Variants in MAGI2 observed in about 807,000 individuals in gnomAD.
The protein encoded by MAGI2 is membrane associated guanylate kinase, WW and PDZ domain containing 2, also known as membrane-associated guanylate kinase, WW and PDZ domain-containing protein 2.
Under a neutral mutation model 133.3 loss-of-function variants are expected in MAGI2, and 35 were observed. The ratio of observed to expected loss-of-function variants is 0.26; its 90% CI spans 0.20 to 0.35. The LOEUF is 0.35. Among genes scored for constraint, MAGI2 ranks in the 10% least tolerant of loss-of-function variants. MAGI2 has a pLI of 1.00. For synonymous variants in MAGI2, 729 were observed against 710.6 expected (o/e 1.03, Z -0.41); for missense variants, 1,636 against 1,863.4 (o/e 0.88, Z 2.25).
intron 1 of MAGI2, among the ~76,000 whole-genome samples, chr7:79,323,775 T>C (rs918009644): frequency 6.6e-6 from 1 of 151,992 alleles, no homozygotes; most frequent in African/African-American, 2.4e-5. Context: ...AGGTGAGAAA[T>C]GATGAATGAC....
chr7:78,712,647 AT>A (rs1563393499), intron 2 of MAGI2, among the ~76,000 whole-genome samples: 1 of 152,158 alleles, frequency 6.6e-6, no homozygotes, highest in Non-Finnish European at 1.5e-5. Context: ...CAGTAGGTGC[AT>A]TTTAGTTGGT....
rs1261662229 is a variant in MAGI2 at position 78,860,945 on chromosome 7, G to A, written c.418+146145C>T. Among the ~76,000 whole-genome samples, 9 of 152,126 alleles carry A rather than the reference G, an allele frequency of 5.9e-5. No homozygotes were observed. The South Asian group carries it at 6.2e-4, about 11-fold the overall frequency. On this transcript the variant is annotated intron_variant, in intron 2 of 21. Transcript: ENST00000354212. ...TACCTACTCAAGCCTCAGCAATGGCGGGCACCCCTCCCCAAGCCTCGCTGC... is the reference window on the plus strand; with the variant it reads ...TACCTACTCAAGCCTCAGCAATGGCAGGCACCCCTCCCCAAGCCTCGCTGC...
chr7:78,782,876 A>C (rs1826505958), intron 2 of MAGI2, among the ~76,000 whole-genome samples: 1 of 152,126 alleles, frequency 6.6e-6, no homozygotes, highest in African/African-American at 2.4e-5. Context: ...AACCTTGTGC[A>C]TCTCTCAGAC....
chr7:78,455,607 T>C lies in MAGI2; in HGVS notation c.1045+34154A>G, dbSNP rs369237318. Among the ~76,000 whole-genome samples, 4 of 152,176 alleles carry C rather than the reference T, an allele frequency of 2.6e-5. No homozygotes were observed. In the South Asian group the frequency reaches 8.3e-4, roughly 32 times the overall value. ...TAATATTTTAATGAAAATAAAAATA[T>C]ATTATGCAGAGCACATTACCTGGCC... is the stretch of plus-strand genomic sequence containing the variant. On this transcript the variant is annotated intron_variant, in intron 6 of 21. Coordinates refer to ENST00000354212, the MANE Select transcript of MAGI2 (RefSeq NM_012301.4).
At chr7:78,140,798 T>A (rs1354538482) in intron 16 of MAGI2, among the ~76,000 whole-genome samples, 1 of 152,220 alleles carries the variant, frequency 6.6e-6, no homozygotes, top group Admixed American at 6.5e-5. Context: ...TAACAGGCAC[T>A]ATGCTAGGCC....
chr7:79,051,129 C>T (rs1812633797), intron 1 of MAGI2, among the ~76,000 whole-genome samples: 1 of 152,192 alleles, frequency 6.6e-6, no homozygotes, highest in Non-Finnish European at 1.5e-5. Context: ...TAAGTCTACC[C>T]TCACTCTAGA....
intron 3 of MAGI2, among the ~76,000 whole-genome samples, chr7:78,529,317 T>A (rs1368252723): frequency 1.3e-5 from 2 of 152,166 alleles, no homozygotes; most frequent in Non-Finnish European, 2.9e-5. Context: ...GGTTTGTTCA[T>A]GTAAAGGAAA....
chr7:78,602,738 T>C (rs1054920349), intron 3 of MAGI2, among the ~76,000 whole-genome samples: 1 of 152,196 alleles, frequency 6.6e-6, no homozygotes, highest in African/African-American at 2.4e-5. Flanking sequence ...TATCTCCCCA[T>C]AGAATGCTTT....
intron 1 of MAGI2, among the ~76,000 whole-genome samples, chr7:79,373,370 C>A (rs1203603753): frequency 2.0e-5 from 3 of 151,856 alleles, no homozygotes; most frequent in Non-Finnish European, 4.4e-5. Context: ...AACACAATAA[C>A]CTGATTTTCT....
intron 2 of MAGI2, among the ~76,000 whole-genome samples, chr7:78,645,763 T>A (rs567701070): frequency 6.6e-6 from 1 of 150,630 alleles, no homozygotes; most frequent in African/African-American, 2.4e-5. Flanking sequence ...CCCCGAGACA[T>A]TGTCATTCTC....
intron 1 of MAGI2, among the ~76,000 whole-genome samples, chr7:79,128,740 C>T (rs970164311): frequency 6.6e-6 from 1 of 152,172 alleles, no homozygotes; most frequent in African/African-American, 2.4e-5. Context: ...AAAATTAATA[C>T]TCTGTGTTAG....
chr7:79,155,930 A>C (rs1301421579), intron 1 of MAGI2, among the ~76,000 whole-genome samples: 2 of 152,146 alleles, frequency 1.3e-5, no homozygotes, highest in Non-Finnish European at 2.9e-5. Context: ...TTTGAAAAGA[A>C]CCTTTTGGCT....
At chr7:78,591,830 G>T (rs1804033668) in intron 3 of MAGI2, among the ~76,000 whole-genome samples, 1 of 152,098 alleles carries the variant, frequency 6.6e-6, no homozygotes, top group Non-Finnish European at 1.5e-5. Flanking sequence ...ACATAAAAGG[G>T]AAAGACCAAG....
intron 15 of MAGI2, among the ~76,000 whole-genome samples, chr7:78,161,667 T>TAAAAAAAAA (rs71515391): frequency 2.3e-4 from 16 of 68,900 alleles, no homozygotes; most frequent in East Asian, 1.6e-3. Flanking sequence ...CATCGATACC[T>TAAAAAAAAA]AAAAAAAAAA....
intron 1 of MAGI2, among the ~76,000 whole-genome samples, chr7:79,399,434 G>A (rs1845313587): frequency 6.6e-6 from 1 of 152,066 alleles, no homozygotes; most frequent in South Asian, 2.1e-4. Flanking sequence ...GGAATTACCA[G>A]GACTGGGGCT....
At chr7:79,369,317 C>A (rs1842919987) in intron 1 of MAGI2, among the ~76,000 whole-genome samples, 1 of 152,188 alleles carries the variant, frequency 6.6e-6, no homozygotes, top group Admixed American at 6.5e-5. Context: ...GGTTGTTCTG[C>A]AGGCAAGTCT....
In MAGI2 at chr7:78,668,784, A is replaced by C. The variant is rs565215906; in HGVS notation, c.419-41545T>G. ...TAAGAAACTCACTCAAAACCGCTCA[A>C]CTACATGGAAACTGAACAACCTGCT... is the stretch of plus-strand genomic sequence containing the variant. On this transcript the variant is annotated intron_variant, in intron 2 of 21. Transcript: ENST00000354212. Among the ~76,000 whole-genome samples the C allele has an allele frequency of 2.0e-3, 310 of 151,554 alleles. 4 individuals carry two copies. Among genetic ancestry groups the C allele is most frequent in the Non-Finnish European group, 9.1e-4 (62 of 67,948 alleles).
intron 3 of MAGI2, among the ~76,000 whole-genome samples, chr7:78,538,151 G>T (rs1199513880): frequency 6.6e-6 from 1 of 152,096 alleles, no homozygotes; most frequent in Admixed American, 6.6e-5. Flanking sequence ...ACATGGCTTT[G>T]TTTCTGGATT....
chr7:78,426,453 T>C (rs547999416), intron 6 of MAGI2, among the ~76,000 whole-genome samples: 3 of 151,750 alleles, frequency 2.0e-5, no homozygotes, highest in Non-Finnish European at 4.4e-5. Flanking sequence ...CTGGGGACTG[T>C]TGTGGGGTGG....
Sources: allele counts gnomAD v4.1 joint callset (sites outside exome capture counted in the v4.1 genomes callset), GRCh38; gene constraint gnomAD v4.1.1; transcripts MANE v1.5; gene names NCBI Gene and HGNC (gene_info 2026-07-23, HGNC 2026-07-21).